Variants in SCAND3 observed in about 807,000 individuals in gnomAD.
SCAND3 encodes SCAN domain containing 3.
chr6:28,603,118 C>T, the SCAND3 span, among the ~76,000 whole-genome samples: 15 of 152,006 alleles, frequency 9.9e-5, no homozygotes, highest in Middle Eastern at 3.4e-3. Flanking sequence ...GCCCCCACCA[C>T]GTCCAGCTAA....
the SCAND3 span, among the ~76,000 whole-genome samples, chr6:28,582,114 A>G: frequency 1.3e-5 from 2 of 152,206 alleles, no homozygotes; most frequent in Non-Finnish European, 2.9e-5. The surrounding 1 kb of genome is among the most constrained non-coding windows in gnomAD (Gnocchi z 4.8). Flanking sequence ...CAGAAGCTAC[A>G]TTTTTCAACA....
the SCAND3 span, chr6:28,573,622 TTTAGTAC>T: frequency 6.2e-7 from 1 of 1,613,032 alleles, no homozygotes; most frequent in African/African-American, 1.3e-5. Flanking sequence ...ACACTGTGGT[TTTAGTAC>T]TTCACCATCA....
At chr6:28,590,080 G>A in the SCAND3 span, 1 of 152,150 alleles carries the variant, frequency 6.6e-6, no homozygotes, top group South Asian at 2.1e-4. Context: ...GAGTCTTCCA[G>A]CCGGAGAGAA....
At chr6:28,586,010 T>A in the SCAND3 span, among the ~76,000 whole-genome samples, 7 of 152,142 alleles carry the variant, frequency 4.6e-5, no homozygotes, top group African/African-American at 9.7e-5. This position sits in a 1 kb window ranked among gnomAD's most constrained non-coding sequence, Gnocchi z 4.4. Flanking sequence ...TTAAAAAAAA[T>A]TTACTATTGT....
At chr6:28,598,490 A>AT in the SCAND3 span, among the ~76,000 whole-genome samples, 1 of 151,978 alleles carries the variant, frequency 6.6e-6, no homozygotes, top group African/African-American at 2.4e-5. Context: ...CATCCTCACC[A>AT]TACAACTACC....
chr6:28,600,490 G>A, the SCAND3 span, among the ~76,000 whole-genome samples: 3 of 152,214 alleles, frequency 2.0e-5, no homozygotes, highest in Admixed American at 6.5e-5. Flanking sequence ...AAAATTAGGC[G>A]GGCATGGTGG....
the SCAND3 span, among the ~76,000 whole-genome samples, chr6:28,598,353 T>C: frequency 6.6e-6 from 1 of 152,208 alleles, no homozygotes; most frequent in Non-Finnish European, 1.5e-5. Flanking sequence ...CTTGCCCAAA[T>C]GCTGGGGTGT....
At chr6:28,605,444 G>A in the SCAND3 span, among the ~76,000 whole-genome samples, 2 of 152,020 alleles carry the variant, frequency 1.3e-5, no homozygotes, top group Non-Finnish European at 2.9e-5. Flanking sequence ...AAATATATAA[G>A]CACGCAAGAT....
chr6:28,579,144 T>C, the SCAND3 span: 1 of 820,834 alleles, frequency 1.2e-6, no homozygotes, highest in Non-Finnish European at 1.9e-6. The surrounding 1 kb of genome is among the most constrained non-coding windows in gnomAD (Gnocchi z 4.5). Context: ...ACTATACTGA[T>C]TGGCTTTTCC....
the SCAND3 span, chr6:28,590,862 G>C: frequency 6.6e-6 from 1 of 152,164 alleles, no homozygotes; most frequent in Non-Finnish European, 1.5e-5. Flanking sequence ...TACTTCATAT[G>C]GTCTGTAATG....
the SCAND3 span, among the ~76,000 whole-genome samples, chr6:28,584,681 C>T: frequency 6.6e-6 from 1 of 152,194 alleles, no homozygotes; most frequent in Non-Finnish European, 1.5e-5. Context: ...AGGGCATCTG[C>T]TTCCAATAGA....
the SCAND3 span, among the ~76,000 whole-genome samples, chr6:28,594,006 C>T: frequency 2.6e-5 from 4 of 152,154 alleles, no homozygotes; most frequent in Non-Finnish European, 5.9e-5. Context: ...AGACGTGACC[C>T]ACCACACCCG....
the SCAND3 span, among the ~76,000 whole-genome samples, chr6:28,603,742 G>A: frequency 6.6e-6 from 1 of 151,702 alleles, no homozygotes; most frequent in Non-Finnish European, 1.5e-5. Flanking sequence ...GTATTCTGTG[G>A]CTGTGTAATA....
At chr6:28,582,341 G>A in the SCAND3 span, among the ~76,000 whole-genome samples, 8 of 152,166 alleles carry the variant, frequency 5.3e-5, no homozygotes, top group African/African-American at 1.9e-4. The surrounding 1 kb of genome is among the most constrained non-coding windows in gnomAD (Gnocchi z 4.8). Flanking sequence ...ATATGGCCCA[G>A]GGAAGCCAAA....
chr6:28,594,689 T>C, the SCAND3 span, among the ~76,000 whole-genome samples: 4 of 152,196 alleles, frequency 2.6e-5, no homozygotes, highest in Non-Finnish European at 4.4e-5. Context: ...AATGAAATAC[T>C]ATTCAGACTT....
chr6:28,613,529 C>A, the SCAND3 span, among the ~76,000 whole-genome samples: 2 of 152,140 alleles, frequency 1.3e-5, no homozygotes, highest in African/African-American at 4.8e-5. Context: ...TAGTCTTGAA[C>A]CATTCCCTCC....
chr6:28,581,654 T>G, the SCAND3 span, among the ~76,000 whole-genome samples: 9 of 152,284 alleles, frequency 5.9e-5, no homozygotes, highest in African/African-American at 2.2e-4. Context: ...GATATCATAT[T>G]AGTGTTCAAG....
At chr6:28,606,706 T>C in the SCAND3 span, among the ~76,000 whole-genome samples, 1 of 152,176 alleles carries the variant, frequency 6.6e-6, no homozygotes, top group Non-Finnish European at 1.5e-5. Context: ...TTCCCTGCCA[T>C]CACCACTAAG....
At chr6:28,583,372 ACT>A in the SCAND3 span, among the ~76,000 whole-genome samples, 2 of 146,548 alleles carry the variant, frequency 1.4e-5, no homozygotes, top group Admixed American at 7.0e-5. Flanking sequence ...ACAGAGCGAG[ACT>A]CTGTCTCAAA....
Sources: gnomAD v4.1 joint callset for allele counts (sites outside exome capture counted in the v4.1 genomes callset) on GRCh38, gnomAD v4.1.1 for gene constraint, Gnocchi (gnomAD v3.1) non-coding constraint, MANE v1.5 for transcripts, NCBI Gene and HGNC (gene_info 2026-07-23, HGNC 2026-07-21) for gene names.